Variants in NELL1 observed in about 807,000 individuals in gnomAD.
NELL1 encodes the protein protein kinase C-binding protein NELL1.
In NELL1, 76 loss-of-function variants were observed where a neutral mutation model predicts 107.4. That is an observed-to-expected ratio of 0.71 (90% confidence interval 0.59 to 0.86). The LOEUF (loss-of-function observed/expected upper bound fraction) is 0.86. Among genes scored for constraint, NELL1 ranks in the 40% least tolerant of loss-of-function variants. The pLI is 0.00. For synonymous variants in NELL1, 353 were observed against 341.2 expected (o/e 1.03, Z -0.38); for missense variants, 1,024 against 1,005.5 (o/e 1.02, Z -0.25).
intron 14 of NELL1, among the ~76,000 whole-genome samples, chr11:21,268,178 T>C (rs1848671976): frequency 6.6e-6 from 1 of 151,956 alleles, no homozygotes; most frequent in Non-Finnish European, 1.5e-5. Context: ...ACCTGAAATA[T>C]AACTGATTAA....
intron 2 of NELL1, among the ~76,000 whole-genome samples, chr11:20,700,616 G>A (rs563766214): frequency 3.3e-4 from 50 of 151,972 alleles, no homozygotes; most frequent in Non-Finnish European, 5.9e-4. Context: ...CCATTAACTC[G>A]TCATTTACAT....
At chr11:21,345,168 G>A (rs1328737828) in intron 14 of NELL1, among the ~76,000 whole-genome samples, 1 of 152,112 alleles carries the variant, frequency 6.6e-6, no homozygotes, top group Non-Finnish European at 1.5e-5. Context: ...TAGTCACTTT[G>A]TTAATTTGGG....
chr11:21,219,773 A>C (rs1452459192), intron 13 of NELL1, among the ~76,000 whole-genome samples: 1 of 152,180 alleles, frequency 6.6e-6, no homozygotes, highest in Non-Finnish European at 1.5e-5. Context: ...CTTTTGTCAA[A>C]AATCAGTTGG....
intron 16 of NELL1, among the ~76,000 whole-genome samples, chr11:21,559,353 A>G (rs1856797627): frequency 6.6e-6 from 1 of 152,054 alleles, no homozygotes; most frequent in African/African-American, 2.4e-5. Context: ...GGAGTCAGGT[A>G]TTTTGCAAGG....
chr11:21,505,045 C>A (rs1422140748), intron 15 of NELL1, among the ~76,000 whole-genome samples: 1 of 152,144 alleles, frequency 6.6e-6, no homozygotes, highest in Non-Finnish European at 1.5e-5. Flanking sequence ...TGTTTTAAAT[C>A]ATCCCCTAGA....
intron 15 of NELL1, among the ~76,000 whole-genome samples, chr11:21,433,967 G>A (rs976497232): frequency 2.6e-5 from 4 of 152,108 alleles, no homozygotes; most frequent in Admixed American, 6.5e-5. Context: ...GAGCCACCAC[G>A]CCCAGCAGGC....
chr11:21,403,414 T>C (rs1852145742), intron 15 of NELL1, among the ~76,000 whole-genome samples: 2 of 151,722 alleles, frequency 1.3e-5, no homozygotes, highest in African/African-American at 2.4e-5. Flanking sequence ...TTTCACATTA[T>C]TGAAAAGTCC....
rs1851871211 is a variant in NELL1 at position 20,987,195 on chromosome 11, A to AT, written c.1300+26639dup. Among the ~76,000 whole-genome samples the AT allele has an allele frequency of 2.0e-5, 3 of 152,162 alleles. No homozygotes were observed. In the South Asian group the frequency reaches 6.2e-4, roughly 32 times the overall value. On this transcript the variant is annotated intron_variant, in intron 12 of 19. Coordinates refer to ENST00000357134, the MANE Select transcript of NELL1 (RefSeq NM_006157.5). ...GTAGATTTTACTCTACACTGATCCT[A>AT]TTTTATTTCTTATTCCCCCTTTGAA...
chr11:20,968,193 A>T (rs1002388646), intron 12 of NELL1, among the ~76,000 whole-genome samples: 4 of 152,280 alleles, frequency 2.6e-5, no homozygotes, highest in Middle Eastern at 3.4e-3. Context: ...ATTCTTTGAA[A>T]TTGTGTTGTT....
chr11:20,937,299 T>A (rs2134184806), intron 9 of NELL1, among the ~76,000 whole-genome samples: 1 of 152,338 alleles, frequency 6.6e-6, no homozygotes, highest in East Asian at 1.9e-4. Flanking sequence ...TTCTCACTTG[T>A]CTCACATGTG....
intron 15 of NELL1, among the ~76,000 whole-genome samples, chr11:21,502,535 T>C (rs1430826045): frequency 6.6e-6 from 1 of 152,228 alleles, no homozygotes; most frequent in East Asian, 1.9e-4. Context: ...ATTTCTGATT[T>C]TATCAGAATC....
At chr11:21,407,115 C>A (rs190281017) in intron 15 of NELL1, among the ~76,000 whole-genome samples, 78 of 152,056 alleles carry the variant, frequency 5.1e-4, no homozygotes, top group African/African-American at 1.7e-3. Flanking sequence ...TGAATTCTGT[C>A]TTGAAATACT....
chr11:20,964,222 G>A (rs1345367769), intron 12 of NELL1, among the ~76,000 whole-genome samples: 1 of 152,038 alleles, frequency 6.6e-6, no homozygotes. Flanking sequence ...AGTTTCTGAT[G>A]CATTAGGAGT....
At chr11:21,511,708 T>C (rs189666001) in intron 15 of NELL1, among the ~76,000 whole-genome samples, 6 of 152,228 alleles carry the variant, frequency 3.9e-5, no homozygotes, top group East Asian at 3.9e-4. Context: ...CACAGGTAGA[T>C]GCAAAGGCTC....
intron 3 of NELL1, among the ~76,000 whole-genome samples, chr11:20,797,482 C>G (rs1290969021): frequency 2.2e-5 from 3 of 136,406 alleles, no homozygotes; most frequent in Admixed American, 8.4e-5. Flanking sequence ...AGGAGAATGG[C>G]GTGAACCTGG....
intron 5 of NELL1, among the ~76,000 whole-genome samples, chr11:20,915,718 T>TATATATATATATA (rs375263928): frequency 1.1e-3 from 56 of 49,218 alleles, no homozygotes; most frequent in South Asian, 1.8e-3. Context: ...TATATATATA[T>TATATATATATATA]TTTTTTTTTT....
intron 15 of NELL1, among the ~76,000 whole-genome samples, chr11:21,389,388 TCTC>T (rs1200906571): frequency 6.6e-6 from 1 of 151,840 alleles, no homozygotes; most frequent in Admixed American, 6.6e-5. Flanking sequence ...TCTGTCTTTC[TCTC>T]CTCAATTCTT....
intron 2 of NELL1, among the ~76,000 whole-genome samples, chr11:20,723,012 C>T (rs1564880092): frequency 6.6e-6 from 1 of 152,142 alleles, no homozygotes; most frequent in Non-Finnish European, 1.5e-5. Flanking sequence ...AAACTATCAG[C>T]TCTCATAAGA....
chr11:20,941,433 A>G (rs557003356), intron 10 of NELL1, among the ~76,000 whole-genome samples: 75 of 152,334 alleles, frequency 4.9e-4, no homozygotes, highest in African/African-American at 1.8e-3. Flanking sequence ...CCTAGCTGTT[A>G]GTGAAGTTCA....
Sources: allele counts gnomAD v4.1 joint callset (sites outside exome capture counted in the v4.1 genomes callset), GRCh38; gene constraint gnomAD v4.1.1; transcripts MANE v1.5; gene names NCBI Gene and HGNC (gene_info 2026-07-23, HGNC 2026-07-21).